FNBP1: variants seen among roughly 807,000 people sequenced by gnomAD.
FNBP1 encodes formin-binding protein 1.
FNBP1 carries 26 observed loss-of-function variants against 90.6 expected under a neutral mutation model. The observed-to-expected ratio is 0.29, with a 90% CI of 0.21 to 0.40. The LOEUF is 0.40. FNBP1 is among the 10% of genes least tolerant of loss of function. The pLI is 1.00. For missense variants in FNBP1, 635 were observed against 768.0 expected, an observed-to-expected ratio of 0.83 and a Z score of 2.05; for synonymous variants, 260 against 265.2, an observed-to-expected ratio of 0.98 and a Z score of 0.19.
intron 4 of FNBP1, among the ~76,000 whole-genome samples, chr9:129,965,697 C>CACGG: frequency 1.0e-5 from 1 of 97,772 alleles, no homozygotes; most frequent in Non-Finnish European, 2.0e-5. Flanking sequence ...CACACACACA[C>CACGG]GCGCGCGCGC....
chr9:130,005,445 G>A (rs1036950149), intron 1 of FNBP1, among the ~76,000 whole-genome samples: 2 of 150,208 alleles, frequency 1.3e-5, no homozygotes, highest in Non-Finnish European at 3.0e-5. Context: ...GGGTTCAAGC[G>A]ATTCTCCTGC....
At chr9:129,931,078 C>T (rs1305435785) in intron 6 of FNBP1, among the ~76,000 whole-genome samples, 1 of 152,064 alleles carries the variant, frequency 6.6e-6, no homozygotes, top group African/African-American at 2.4e-5. Context: ...CTCGGGTGGG[C>T]AGATTGCTTG....
intron 6 of FNBP1, among the ~76,000 whole-genome samples, chr9:129,941,377 A>C (rs1446295248): frequency 6.6e-6 from 1 of 152,206 alleles, no homozygotes. Flanking sequence ...CAACAGAGCG[A>C]GACGCCATCT....
At chr9:129,967,885 A>G (rs2048852697) in intron 4 of FNBP1, among the ~76,000 whole-genome samples, 3 of 151,820 alleles carry the variant, frequency 2.0e-5, no homozygotes, top group African/African-American at 7.3e-5. Flanking sequence ...TTTTTTTTTG[A>G]GATTGGGGGG....
At chr9:129,898,610 C>G (rs895434592) in intron 15 of FNBP1, among the ~76,000 whole-genome samples, 1 of 152,146 alleles carries the variant, frequency 6.6e-6, no homozygotes, top group Non-Finnish European at 1.5e-5. Context: ...CTGCTTCAGC[C>G]TCCCAAGTAG....
intron 1 of FNBP1, among the ~76,000 whole-genome samples, chr9:129,995,412 T>C (rs2053832842): frequency 6.6e-6 from 1 of 152,134 alleles, no homozygotes; most frequent in African/African-American, 2.4e-5. Flanking sequence ...ATGATTAAAA[T>C]AAAACACATG....
chr9:130,017,793 G>A (rs2057386856), intron 1 of FNBP1, among the ~76,000 whole-genome samples: 1 of 149,332 alleles, frequency 6.7e-6, no homozygotes, highest in African/African-American at 2.5e-5. Flanking sequence ...TCGCACTACT[G>A]CACTCCAGCC....
At chr9:129,951,161 T>TG (rs1228696565) in intron 6 of FNBP1, among the ~76,000 whole-genome samples, 4 of 151,960 alleles carry the variant, frequency 2.6e-5, no homozygotes, top group Non-Finnish European at 5.9e-5. Flanking sequence ...TTCACCATGT[T>TG]GGCTAGGCTG....
intron 6 of FNBP1, among the ~76,000 whole-genome samples, chr9:129,954,111 G>C (rs2046577372): frequency 6.6e-6 from 1 of 151,960 alleles, no homozygotes; most frequent in Admixed American, 6.6e-5. Context: ...GGTATTAGGA[G>C]TAAATAGGGG....
At chr9:129,987,708 C>G (rs1228972540) in intron 2 of FNBP1, among the ~76,000 whole-genome samples, 2 of 151,850 alleles carry the variant, frequency 1.3e-5, no homozygotes, top group Non-Finnish European at 2.9e-5. Flanking sequence ...ACCATGTTGG[C>G]CAGGCTGGTC....
At chr9:130,002,291 G>A (rs2054980124) in intron 1 of FNBP1, among the ~76,000 whole-genome samples, 1 of 152,134 alleles carries the variant, frequency 6.6e-6, no homozygotes, top group African/African-American at 2.4e-5. Flanking sequence ...TTATTTTATA[G>A]GTGCATACTG....
At chr9:130,040,119 C>T (rs1260503467) in intron 1 of FNBP1, among the ~76,000 whole-genome samples, 1 of 152,178 alleles carries the variant, frequency 6.6e-6, no homozygotes, top group African/African-American at 2.4e-5. Context: ...AAGTCTCTGA[C>T]CACCGGAGAA....
chr9:129,978,435 T>C (rs1409474184), intron 4 of FNBP1, 30 bp downstream of exon 4: 2 of 1,596,042 alleles, frequency 1.3e-6, no homozygotes, highest in African/African-American at 2.7e-5. Context: ...GTCCATCTTT[T>C]AGGAAGAAAA....
intron 1 of FNBP1, among the ~76,000 whole-genome samples, chr9:130,025,331 GTTAACA>G (rs1356055371): frequency 6.6e-6 from 1 of 152,118 alleles, no homozygotes; most frequent in Admixed American, 6.6e-5. Context: ...CAAACCTCCT[GTTAACA>G]TTAGCATTTA....
intron 2 of FNBP1, among the ~76,000 whole-genome samples, chr9:129,985,677 G>A (rs574203289): frequency 2.0e-5 from 3 of 152,146 alleles, no homozygotes; most frequent in South Asian, 2.1e-4. Context: ...CTAGCCAGCC[G>A]TGGGCCAGGT....
intron 1 of FNBP1, among the ~76,000 whole-genome samples, chr9:130,039,847 G>A (rs1316116121): frequency 6.6e-6 from 1 of 152,100 alleles, no homozygotes; most frequent in African/African-American, 2.4e-5. Flanking sequence ...AGCCTATATT[G>A]ATTTTAACCT....
chr9:130,022,393 G>A (rs1373241646), intron 1 of FNBP1, among the ~76,000 whole-genome samples: 1 of 151,896 alleles, frequency 6.6e-6, no homozygotes, highest in Non-Finnish European at 1.5e-5. Context: ...TTTTAGTAGA[G>A]ATAGGGTTTC....
intron 6 of FNBP1, among the ~76,000 whole-genome samples, chr9:129,936,860 T>C (rs1433091282): frequency 6.6e-6 from 1 of 152,130 alleles, no homozygotes; most frequent in East Asian, 1.9e-4. Flanking sequence ...TTCTCTAGGA[T>C]TTGTCAATGG....
At chr9:129,989,082 C>A (rs1243246516) in intron 2 of FNBP1, among the ~76,000 whole-genome samples, 1 of 152,234 alleles carries the variant, frequency 6.6e-6, no homozygotes, top group African/African-American at 2.4e-5. Flanking sequence ...CCCCCCACAT[C>A]CTTACATGTC....
Sources: gnomAD v4.1 joint callset for allele counts (sites outside exome capture counted in the v4.1 genomes callset) on GRCh38, gnomAD v4.1.1 for gene constraint, MANE v1.5 for transcripts, NCBI Gene and HGNC (gene_info 2026-07-23, HGNC 2026-07-21) for gene names.